The following RGMA variants were observed in gnomAD, a reference collection of about 807,000 sequenced individuals.
RGMA encodes repulsive guidance molecule BMP co-receptor a.
In RGMA, 10 loss-of-function variants were observed where a neutral mutation model predicts 23.2. The observed-to-expected ratio is 0.43, with a 90% CI of 0.27 to 0.73. RGMA has a LOEUF of 0.73. Among genes scored for constraint, RGMA ranks in the 30% least tolerant of loss-of-function variants. RGMA has a pLI of 0.20. For synonymous variants in RGMA, 308 were observed against 279.3 expected (o/e 1.10, Z -1.03); for missense variants, 547 against 630.5 (o/e 0.87, Z 1.42).
chr15:93,054,489 G>A (rs1035156422), intron 2 of RGMA, among the ~76,000 whole-genome samples: 20 of 131,976 alleles, frequency 1.5e-4, no homozygotes, highest in African/African-American at 5.1e-4. Context: ...TAGTGAATAA[G>A]TCTCATGAGA....
intron 2 of RGMA, among the ~76,000 whole-genome samples, chr15:93,070,189 G>T (rs899941166): frequency 1.3e-5 from 2 of 152,210 alleles, no homozygotes; most frequent in Non-Finnish European, 2.9e-5. Context: ...CCATCCACAT[G>T]GAGTAAGTAA....
chr15:93,054,875 T>G (rs2054988027), intron 2 of RGMA, among the ~76,000 whole-genome samples: 1 of 152,154 alleles, frequency 6.6e-6, no homozygotes, highest in African/African-American at 2.4e-5. Context: ...GTACAAGATG[T>G]GCAAGGGCCC....
At chr15:93,088,532 C>T (rs1567198510) in intron 1 of RGMA, 3 of 1,001,686 alleles carry the variant, frequency 3.0e-6, no homozygotes, top group East Asian at 9.9e-5. Context: ...AGGCGGGGGC[C>T]CGGGCGGCGC....
In RGMA at chr15:93,036,343, G is replaced by T. The variant is rs1049452953; in HGVS notation, c.*8655C>A. The T allele has an allele frequency of 1.3e-5, 2 of 152,254 alleles. No individual in the cohort carries two copies. Among genetic ancestry groups the T allele is most frequent in the African/African-American group, 4.8e-5 (2 of 41,452 alleles). 9.4% of individuals were successfully genotyped at this position (152,254 alleles called of 1,614,324 possible). A position where few individuals can be genotyped will look rare whatever the true frequency, so the allele number is the denominator to read the frequency against. Reference sequence around the variant, plus strand: ...GGAAGAAGGACTCCTCTTGTTTTATGCAACCAACACCCACCCTGGGGCACT... The same window carrying T: ...GGAAGAAGGACTCCTCTTGTTTTATTCAACCAACACCCACCCTGGGGCACT... On this transcript the variant is annotated 3_prime_UTR_variant, in exon 4 of 4. Coordinates refer to ENST00000329082, the MANE Select transcript of RGMA (RefSeq NM_020211.3).
At chr15:93,076,289 C>T (rs1376666831) in intron 1 of RGMA, among the ~76,000 whole-genome samples, 1 of 149,112 alleles carries the variant, frequency 6.7e-6, no homozygotes, top group Non-Finnish European at 1.5e-5. Context: ...CTGGGGGTAG[C>T]TATTTGATGG....
chr15:93,048,494 C>T (rs941331647), intron 3 of RGMA, among the ~76,000 whole-genome samples: 8 of 152,110 alleles, frequency 5.3e-5, no homozygotes, highest in Admixed American at 5.2e-4. Context: ...ACCAGGAGGA[C>T]CCCAAGCGCA....
chr15:93,072,812 G>A (rs966438227), intron 2 of RGMA, 104 bp downstream of exon 2: 183 of 1,221,542 alleles, frequency 1.5e-4, no homozygotes, highest in Non-Finnish European at 1.8e-4. Context: ...GGGTCCGGAG[G>A]AGGTCCGGAG....
At chr15:93,073,508 C>T in intron 1 of RGMA, 2 of 1,376,512 alleles carry the variant, frequency 1.5e-6, no homozygotes, top group Non-Finnish European at 2.0e-6. Flanking sequence ...TAATCCCCTC[C>T]ACGAATATCC....
intron 1 of RGMA, among the ~76,000 whole-genome samples, chr15:93,076,090 C>T (rs1190832266): frequency 1.3e-5 from 2 of 152,226 alleles, no homozygotes; most frequent in Admixed American, 1.3e-4. Flanking sequence ...ACTCATTTAA[C>T]TCAAAAGTGT....
chr15:93,051,808 C>T (rs1353998007), intron 3 of RGMA, among the ~76,000 whole-genome samples, 185 bp downstream of exon 3: 6 of 152,144 alleles, frequency 3.9e-5, no homozygotes, highest in Non-Finnish European at 7.4e-5. Context: ...CGGGCTGGCT[C>T]GAGGAAGGAG....
rs557799627 is a variant in RGMA, at chr15:93,036,498, G to C, written c.*8500C>G. ...CCTGGCCCCGCAGACCTGGTCCCTG[G>C]TGGTCCCGGCCCCAGCCTTGACCTG... On this transcript the variant is annotated 3_prime_UTR_variant, in exon 4 of 4. Coordinates refer to ENST00000329082, the MANE Select transcript of RGMA (RefSeq NM_020211.3). 9 of 152,424 alleles carry C rather than the reference G, an allele frequency of 5.9e-5. No individual in the cohort carries two copies. The highest frequency in any genetic ancestry group is 1.3e-4 in the Admixed American group (2 of 15,310). The allele number at this position is 152,424 out of a possible 1,614,324, so 9.4% of individuals were successfully genotyped here.
chr15:93,079,410 G>C (rs1025696778), intron 1 of RGMA, among the ~76,000 whole-genome samples: 7 of 152,108 alleles, frequency 4.6e-5, no homozygotes, highest in African/African-American at 1.7e-4. Context: ...AGATTGGTTG[G>C]GTTTCATGTT....
At position 93,045,040 on chromosome 15, in the gene RGMA, G is replaced by A. The variant is rs775753513; in HGVS notation, c.1311C>T (p.Gly437=). Residue 437 remains glycine (G), a synonymous_variant, in exon 4 of 4, where the codon GGC becomes GGT. Coordinates refer to ENST00000329082, the MANE Select transcript of RGMA (RefSeq NM_020211.3). The surrounding 1 kb of genome is among the most constrained non-coding windows in gnomAD (Gnocchi z 6.9). ...GLPLAPRPLL[G]ALVPLLALLP... ...GCAGGGCCAGGAGCGGGACGAGGGC[G>A]CCCAGGAGGGGCCGGGGGGCCAGGG... is the stretch of plus-strand genomic sequence containing the variant. 19 of 1,591,284 alleles carry A rather than the reference G, an allele frequency of 1.2e-5. No homozygotes were observed. Among genetic ancestry groups the A allele is most frequent in the Admixed American group, 1.1e-4 (6 of 56,950 alleles).
rs553192980 is a variant in RGMA at position 93,056,255 on chromosome 15, T to C, written c.131-3748A>G. ...GCCCGGAGTGTGTGAAGGCGACATTTCCCCAGGATGGGGAGGGGGCTGGTG... is the reference window on the plus strand; with the variant it reads ...GCCCGGAGTGTGTGAAGGCGACATTCCCCCAGGATGGGGAGGGGGCTGGTG... On this transcript the variant is annotated intron_variant, in intron 2 of 3. Transcript: ENST00000329082. 2.7e-4 allele frequency among the ~76,000 whole-genome samples: 41 copies of C among 152,232 alleles called. No homozygotes were observed. In the South Asian group the frequency reaches 6.2e-3, roughly 23 times the overall value.
At position 93,054,403 on chromosome 15, in the gene RGMA, A is replaced by G. The variant is rs558946569; in HGVS notation, c.131-1896T>C. 4.4e-3 allele frequency among the ~76,000 whole-genome samples: 674 copies of G among 152,218 alleles called. 3 individuals carry two copies. The highest frequency in any genetic ancestry group is 7.7e-3 in the Non-Finnish European group (521 of 68,012). ...CCAAATCTCACCTTGAACTGTAATA[A>G]TCTCCACGTGTCAAGGGTGGGGCCA... On this transcript the variant is annotated intron_variant, in intron 2 of 3. Coordinates refer to ENST00000329082, the MANE Select transcript of RGMA (RefSeq NM_020211.3).
intron 1 of RGMA, among the ~76,000 whole-genome samples, chr15:93,078,071 T>C (rs1369493315): frequency 6.6e-6 from 1 of 152,186 alleles, no homozygotes; most frequent in East Asian, 1.9e-4. Flanking sequence ...GATGAAGACT[T>C]TATTTAGGCT....
chr15:93,088,573 G>A (rs1361296500), intron 1 of RGMA: 7 of 1,049,646 alleles, frequency 6.7e-6, no homozygotes, highest in East Asian at 1.4e-4. Context: ...CGGGACAGTC[G>A]GGTGGCCGGC....
chr15:93,080,412 C>T (rs959829824), intron 1 of RGMA, among the ~76,000 whole-genome samples: 25 of 152,016 alleles, frequency 1.6e-4, no homozygotes, highest in Non-Finnish European at 1.6e-4. Context: ...GCACATTCAC[C>T]CAAACTTACA....
rs2054696178 is a variant in RGMA, at chr15:93,039,270, C to T, written c.*5728G>A. 1 of 152,102 alleles carries T rather than the reference C, an allele frequency of 6.6e-6. No individual in the cohort carries two copies. Among genetic ancestry groups the T allele is most frequent in the Non-Finnish European group, 1.5e-5 (1 of 68,014 alleles). 9.4% of individuals were successfully genotyped at this position (152,102 alleles called of 1,614,324 possible). On this transcript the variant is annotated 3_prime_UTR_variant, in exon 4 of 4. Transcript: ENST00000329082. ...ATCTTTCCAGTCATGGTAAATGGCA[C>T]CACCATTTCCCCAGGTGCTCAGACC...
Sources: gnomAD v4.1 joint callset for allele counts (sites outside exome capture counted in the v4.1 genomes callset) on GRCh38, gnomAD v4.1.1 for gene constraint, Gnocchi (gnomAD v3.1) non-coding constraint, MANE v1.5 for transcripts, NCBI Gene and HGNC (gene_info 2026-07-23, HGNC 2026-07-21) for gene names.